Variants in ASAP2 observed in about 807,000 individuals in gnomAD.
ASAP2 encodes ArfGAP with SH3 domain, ankyrin repeat and PH domain 2.
Under a neutral mutation model 131.4 loss-of-function variants are expected in ASAP2, and 45 were observed. That is an observed-to-expected ratio of 0.34 (90% confidence interval 0.27 to 0.44). ASAP2 has a LOEUF of 0.44. Among genes scored for constraint, ASAP2 ranks in the 20% least tolerant of loss-of-function variants. The pLI, the probability that ASAP2 is intolerant of heterozygous loss-of-function variation, is 1.00. For synonymous variants in ASAP2, 510 were observed against 503.0 expected, an observed-to-expected ratio of 1.01 and a Z score of -0.19; for missense variants, 1,011 against 1,297.0, an observed-to-expected ratio of 0.78 and a Z score of 3.39.
rs11682319 is a variant in ASAP2, at chr2:9,401,252, G to A, written c.2824-22G>A. On this transcript the variant is annotated intron_variant, in intron 26 of 27. Transcript: ENST00000281419. ...GCTGAGGCCTGCAGCCACACTAACCGTTGTTCCCTCTCCTGACCCAGACCA... is the reference window on the plus strand; with the variant it reads ...GCTGAGGCCTGCAGCCACACTAACCATTGTTCCCTCTCCTGACCCAGACCA... 446 of 1,612,960 alleles carry A rather than the reference G, an allele frequency of 2.8e-4. 3 individuals carry two copies. The South Asian group carries it at 3.8e-3, about 14-fold the overall frequency.
intron 3 of ASAP2, among the ~76,000 whole-genome samples, chr2:9,304,997 G>C (rs1475257807): frequency 7.5e-5 from 11 of 147,524 alleles, no homozygotes; most frequent in Admixed American, 6.8e-4. Context: ...GGACAAGCTG[G>C]AGTAGTGGGG....
chr2:9,347,733 A>T (rs1206022965), intron 11 of ASAP2, among the ~76,000 whole-genome samples: 1 of 152,208 alleles, frequency 6.6e-6, no homozygotes. Context: ...AATAACTCTA[A>T]TTAGATATCC....
At chr2:9,275,046 C>T (rs1452892413) in intron 1 of ASAP2, among the ~76,000 whole-genome samples, 2 of 150,474 alleles carry the variant, frequency 1.3e-5, no homozygotes, top group East Asian at 1.9e-4. Context: ...AGTTTACCAC[C>T]GCTTCCAGTC....
Position 9,354,314 on chromosome 2 carries a change from C to T in ASAP2, c.1112-1733C>T, listed in dbSNP as rs557232193. On this transcript the variant is annotated intron_variant, in intron 12 of 27. Transcript: ENST00000281419. ...ACTGGCCACCAGCACCTGAGTGCTC[C>T]GATCGCCCCCTCTGTCTCCTCCTGC... 9.2e-5 allele frequency among the ~76,000 whole-genome samples: 14 copies of T among 152,340 alleles called. No homozygotes were observed. In the South Asian group the frequency reaches 2.5e-3, roughly 27 times the overall value.
chr2:9,214,483 G>A (rs201264761), intron 1 of ASAP2, among the ~76,000 whole-genome samples: 75 of 152,204 alleles, frequency 4.9e-4, no homozygotes, highest in East Asian at 4.2e-3. Flanking sequence ...CAGGTGATCC[G>A]CCCACCTCGG....
intron 11 of ASAP2, among the ~76,000 whole-genome samples, chr2:9,346,908 T>A (rs565856964): frequency 1.3e-5 from 2 of 152,350 alleles, no homozygotes; most frequent in South Asian, 4.1e-4. Flanking sequence ...CTTAGTTGTC[T>A]TTAAATTTGG....
At chr2:9,308,601 C>T (rs1669099142) in intron 3 of ASAP2, among the ~76,000 whole-genome samples, 1 of 152,118 alleles carries the variant, frequency 6.6e-6, no homozygotes, top group Admixed American at 6.5e-5. Context: ...CAGCATGTGC[C>T]CAGCCTCAGC....
At chr2:9,286,447 A>AATATAT (rs1553304561) in intron 2 of ASAP2, among the ~76,000 whole-genome samples, 9 of 148,492 alleles carry the variant, frequency 6.1e-5, no homozygotes, top group African/African-American at 2.3e-4. Context: ...GAAAAAAAAA[A>AATATAT]ATATATATAT....
At position 9,207,001 on chromosome 2, in the gene ASAP2, G is replaced by A. The variant is rs1661152070; in HGVS notation, c.-104G>A. On this transcript the variant is annotated 5_prime_UTR_variant, in exon 1 of 28. Transcript: ENST00000281419. This position sits in a 1 kb window ranked among gnomAD's most constrained non-coding sequence, Gnocchi z 4.1. ...CGCTCCCCTTTGTCCGCGGGCCGGA[G>A]CGGCGGCGGCAGCGGCGGTGTCCGA... is the stretch of plus-strand genomic sequence containing the variant. The A allele has an allele frequency of 9.6e-7, 1 of 1,039,718 alleles. No individual in the cohort carries two copies. Among genetic ancestry groups the A allele is most frequent in the East Asian group, 6.5e-5 (1 of 15,428 alleles). The allele number at this position is 1,039,718 out of a possible 1,614,324, so 64.4% of individuals were successfully genotyped here. A position where few individuals can be genotyped will look rare whatever the true frequency, so the allele number is the denominator to read the frequency against.
intron 11 of ASAP2, 106 bp downstream of exon 11, chr2:9,344,906 A>G: frequency 2.1e-6 from 2 of 945,908 alleles, no homozygotes; most frequent in East Asian, 2.6e-5. Flanking sequence ...GTGTGATGGT[A>G]TTAAGGATGT....
In ASAP2 at chr2:9,272,374, T is replaced by G. The variant is rs1033226688; in HGVS notation, c.127-6943T>G. Among the ~76,000 whole-genome samples, 4 of 152,118 alleles carry G rather than the reference T, an allele frequency of 2.6e-5. No homozygotes were observed. The East Asian group carries it at 7.7e-4, about 29-fold the overall frequency. ...ATGTCTTCTTTGGAGATATGTCTAT[T>G]TATATCTTTTGCCCTTTTTAAAATT... On this transcript the variant is annotated intron_variant, in intron 1 of 27. Coordinates refer to ENST00000281419, the MANE Select transcript of ASAP2 (RefSeq NM_003887.3).
chr2:9,342,038 A>G (rs929334501), intron 9 of ASAP2, among the ~76,000 whole-genome samples: 3 of 152,138 alleles, frequency 2.0e-5, no homozygotes, highest in African/African-American at 7.2e-5. Flanking sequence ...TCAGTGCTAG[A>G]CACTCATGTG....
chr2:9,235,917 G>A (rs967757134), intron 1 of ASAP2, among the ~76,000 whole-genome samples: 11 of 152,192 alleles, frequency 7.2e-5, no homozygotes, highest in African/African-American at 2.2e-4. Flanking sequence ...CCTCCCAGGG[G>A]ACTTCTGGCA....
rs566437611 is a variant in ASAP2, at chr2:9,232,689, T to G, written c.126+25459T>G. On this transcript the variant is annotated intron_variant, in intron 1 of 27. Coordinates refer to ENST00000281419, the MANE Select transcript of ASAP2 (RefSeq NM_003887.3). This position sits in a 1 kb window ranked among gnomAD's most constrained non-coding sequence, Gnocchi z 4.1. ...ACATCATATATGTTTAATATGTGTT[T>G]GTTGAATGAATAAAACTGACAGGCA... Among the ~76,000 whole-genome samples the G allele has an allele frequency of 6.6e-6, 1 of 152,312 alleles. No individual in the cohort carries two copies. Among genetic ancestry groups the G allele is most frequent in the African/African-American group, 2.4e-5 (1 of 41,572 alleles).
chr2:9,322,524 C>G (rs1670220617), intron 5 of ASAP2, among the ~76,000 whole-genome samples: 1 of 148,726 alleles, frequency 6.7e-6, no homozygotes, highest in Admixed American at 6.6e-5. Context: ...CACGATTACC[C>G]TGGTGGCTCT....
At chr2:9,271,892 T>G (rs1311497269) in intron 1 of ASAP2, among the ~76,000 whole-genome samples, 1 of 152,184 alleles carries the variant, frequency 6.6e-6, no homozygotes, top group Non-Finnish European at 1.5e-5. Flanking sequence ...CAGGATCTCA[T>G]TCTTTTTTAT....
At chr2:9,270,785 A>ATTTTTTTTTTTC (rs1666302254) in intron 1 of ASAP2, among the ~76,000 whole-genome samples, 1 of 52,924 alleles carries the variant, frequency 1.9e-5, no homozygotes, top group Non-Finnish European at 3.5e-5. Context: ...AATTGTTTTC[A>ATTTTTTTTTTTC]TTTTTTTTTT....
intron 1 of ASAP2, among the ~76,000 whole-genome samples, chr2:9,218,506 T>C (rs1662209848): frequency 6.6e-6 from 1 of 152,236 alleles, no homozygotes; most frequent in Admixed American, 6.5e-5. Context: ...GGATGTGGCG[T>C]GTCTAGGCAG....
At chr2:9,369,745 T>C (rs770415360) in intron 16 of ASAP2, among the ~76,000 whole-genome samples, 11 of 152,258 alleles carry the variant, frequency 7.2e-5, no homozygotes, top group Non-Finnish European at 1.5e-4. Context: ...GTAGAATTAA[T>C]GACACGAGTC....
Sources: gnomAD v4.1 joint callset for allele counts (sites outside exome capture counted in the v4.1 genomes callset) on GRCh38, gnomAD v4.1.1 for gene constraint, Gnocchi (gnomAD v3.1) non-coding constraint, MANE v1.5 for transcripts, NCBI Gene and HGNC (gene_info 2026-07-23, HGNC 2026-07-21) for gene names.